Variants in SAMD3 observed in about 807,000 individuals in gnomAD.
SAMD3 encodes the protein sterile alpha motif domain-containing protein 3.
SAMD3 carries 63 observed loss-of-function variants against 58.5 expected under a neutral mutation model. That is an observed-to-expected ratio of 1.08 (90% confidence interval 0.88 to 1.33). The LOEUF (loss-of-function observed/expected upper bound fraction) is 1.33, where lower values mean the gene tolerates loss of function less well. SAMD3 is among the 40% of genes most tolerant of loss of function. The probability of loss-of-function intolerance (pLI) is 0.00; values close to 1 mark genes in which losing one functional copy is unlikely to be tolerated. For missense variants in SAMD3, 604 were observed against 608.4 expected (o/e 0.99, Z 0.08); for synonymous variants, 220 against 210.3 (o/e 1.05, Z -0.40).
At chr6:130,273,792 T>A (rs937808355) in intron 2 of SAMD3, among the ~76,000 whole-genome samples, 3 of 152,186 alleles carry the variant, frequency 2.0e-5, no homozygotes, top group Admixed American at 1.3e-4. Flanking sequence ...TCTATACTTT[T>A]ACTCCCCGCT....
chr6:130,224,530 A>G (rs1240543641), upstream of SAMD3, among the ~76,000 whole-genome samples: 1 of 151,952 alleles, frequency 6.6e-6, no homozygotes, highest in Non-Finnish European at 1.5e-5. Context: ...TGCCAGCCCT[A>G]GGTTCATGTG....
chr6:130,277,344 T>C (rs560599184), intron 2 of SAMD3, among the ~76,000 whole-genome samples: 1 of 152,340 alleles, frequency 6.6e-6, no homozygotes, highest in East Asian at 1.9e-4. Flanking sequence ...TAGCTTGGCT[T>C]ACACTCAGGA....
At position 130,336,527 on chromosome 6, in the gene SAMD3, T is replaced by A. The variant is rs949553431; in HGVS notation, c.-303-23434A>T. Among the ~76,000 whole-genome samples the A allele has an allele frequency of 4.6e-5, 7 of 152,226 alleles. 1 individual carries two copies. The highest frequency in any genetic ancestry group is 1.3e-4 in the Admixed American group (2 of 15,282). Reference sequence around the variant, plus strand: ...TAACTGGTTCCATATTTATTTTCGTTCCATATTTTGTTCCATTCTCATATT... The same window carrying A: ...TAACTGGTTCCATATTTATTTTCGTACCATATTTTGTTCCATTCTCATATT... On this transcript the variant is annotated intron_variant, in intron 1 of 13. Transcript: ENST00000368134.
chr6:130,174,786 A>G (rs865859957), intron 8 of SAMD3, among the ~76,000 whole-genome samples: 1 of 152,240 alleles, frequency 6.6e-6, no homozygotes, highest in South Asian at 2.1e-4. Context: ...TTTTAGAACT[A>G]TGTTATCTTG....
At position 130,344,273 on chromosome 6, in the gene SAMD3, T is replaced by C. The variant is rs867876473; in HGVS notation, c.-304+20847A>G. Among the ~76,000 whole-genome samples, 5 of 152,382 alleles carry C rather than the reference T, an allele frequency of 3.3e-5. No individual in the cohort carries two copies. The Middle Eastern group carries it at 0.017, about 518-fold the overall frequency. ...CTACATGTATGTCTCTCGCTATCTG[T>C]ATGTTTGCCCATTGGCAAAATCCTG... is the stretch of plus-strand genomic sequence containing the variant. On this transcript the variant is annotated intron_variant, in intron 1 of 13. Transcript: ENST00000368134.
In SAMD3 at chr6:130,182,749, G is replaced by T. The variant is rs1030147655; in HGVS notation, c.654+1354C>A. On this transcript the variant is annotated intron_variant, in intron 7 of 11. Coordinates refer to ENST00000439090, the MANE Select transcript of SAMD3 (RefSeq NM_001017373.4). Reference sequence around the variant, plus strand: ...CATAGATAATTGGCATTTATCCTTTGTTGTTCTTGGAAATAATTGCTGAAA... The same window carrying T: ...CATAGATAATTGGCATTTATCCTTTTTTGTTCTTGGAAATAATTGCTGAAA... 2.6e-5 allele frequency among the ~76,000 whole-genome samples: 4 copies of T among 152,188 alleles called. No homozygotes were observed. The East Asian group carries it at 7.7e-4, about 29-fold the overall frequency.
At chr6:130,277,961 C>T (rs1774839692) in intron 2 of SAMD3, among the ~76,000 whole-genome samples, 1 of 152,130 alleles carries the variant, frequency 6.6e-6, no homozygotes, top group Non-Finnish European at 1.5e-5. Context: ...GACTAGATTG[C>T]CTTTGTAGGA....
intron 2 of SAMD3, among the ~76,000 whole-genome samples, chr6:130,229,642 G>A (rs1336230766): frequency 6.6e-6 from 1 of 152,170 alleles, no homozygotes; most frequent in Non-Finnish European, 1.5e-5. Flanking sequence ...ATCATGTTAT[G>A]CTTCCATTAT....
At chr6:130,355,599 A>C (rs1008221035) in intron 1 of SAMD3, among the ~76,000 whole-genome samples, 1 of 152,230 alleles carries the variant, frequency 6.6e-6, no homozygotes, top group South Asian at 2.1e-4. Context: ...TTGTGGTCAC[A>C]TGATGCTCTT....
chr6:130,227,149 A>G (rs7747547), upstream of SAMD3, among the ~76,000 whole-genome samples: 21,896 of 152,142 alleles, frequency 0.14, 3,814 homozygotes, highest in African/African-American at 0.42. Context: ...CTAGTCCCTG[A>G]TGACCATTAT....
chr6:130,293,110 C>A (rs2114965613), intron 2 of SAMD3, among the ~76,000 whole-genome samples: 1 of 152,304 alleles, frequency 6.6e-6, no homozygotes, highest in African/African-American at 2.4e-5. Flanking sequence ...TTCAAGAGTT[C>A]ACAATTTGGT....
chr6:130,142,879 A>C (rs781265230), downstream of SAMD3: 1 of 152,396 alleles, frequency 6.6e-6, no homozygotes. Context: ...TAAAAGGAAG[A>C]AGGAGTAATT....
chr6:130,224,049 C>A (rs1459682343), upstream of SAMD3, among the ~76,000 whole-genome samples: 1 of 152,022 alleles, frequency 6.6e-6, no homozygotes, highest in Non-Finnish European at 1.5e-5. Context: ...TGGATGGGAT[C>A]CACAAGGGGA....
chr6:130,187,672 C>G (rs903289648), intron 5 of SAMD3, among the ~76,000 whole-genome samples: 4 of 152,076 alleles, frequency 2.6e-5, no homozygotes, highest in East Asian at 1.9e-4. Context: ...TTAAAAAAAG[C>G]TTTACTGTGA....
At chr6:130,282,710 CAA>C (rs1198517573) in intron 2 of SAMD3, among the ~76,000 whole-genome samples, 1 of 152,058 alleles carries the variant, frequency 6.6e-6, no homozygotes, top group Non-Finnish European at 1.5e-5. Context: ...ACAGCTGAAA[CAA>C]AAGAGAATTT....
At chr6:130,226,867 T>C (rs1206671992), upstream of SAMD3, among the ~76,000 whole-genome samples, 1 of 152,236 alleles carries the variant, frequency 6.6e-6, no homozygotes, top group African/African-American at 2.4e-5. Context: ...ATTAAATTAG[T>C]AACATTGTGT....
At chr6:130,232,915 TAAAG>T (rs760599826) in intron 2 of SAMD3, among the ~76,000 whole-genome samples, 4 of 152,142 alleles carry the variant, frequency 2.6e-5, no homozygotes, top group Non-Finnish European at 5.9e-5. Flanking sequence ...AGTAGGAAGA[TAAAG>T]AGAGAGCATT....
chr6:130,365,076 G>A (rs1284119927), intron 1 of SAMD3: 1 of 673,014 alleles, frequency 1.5e-6, no homozygotes, highest in Non-Finnish European at 1.8e-6. Context: ...CACAGGGGGT[G>A]GTTGGAATAT....
intron 2 of SAMD3, among the ~76,000 whole-genome samples, chr6:130,254,149 C>T (rs760969763): frequency 4.7e-5 from 7 of 149,710 alleles, no homozygotes; most frequent in African/African-American, 1.0e-4. Flanking sequence ...TGTGCCACTA[C>T]GCTCAGCTAA....
Sources: allele counts gnomAD v4.1 joint callset (sites outside exome capture counted in the v4.1 genomes callset), GRCh38; gene constraint gnomAD v4.1.1; transcripts MANE v1.5; gene names NCBI Gene and HGNC (gene_info 2026-07-23, HGNC 2026-07-21).